The following PCDH9 variants were observed in gnomAD, a reference collection of about 807,000 sequenced individuals.
The protein encoded by PCDH9 is protocadherin-9.
A neutral mutation model predicts 70.6 loss-of-function variants in PCDH9; 24 were observed. The observed-to-expected ratio is 0.34, with a 90% CI of 0.25 to 0.48. PCDH9 has a LOEUF of 0.48. Among genes scored for constraint, PCDH9 ranks in the 20% least tolerant of loss-of-function variants. The probability of loss-of-function intolerance (pLI) is 0.99; values close to 1 mark genes in which losing one functional copy is unlikely to be tolerated. For missense variants in PCDH9, 1,281 were observed against 1,503.6 expected, an observed-to-expected ratio of 0.85 and a Z score of 2.45; for synonymous variants, 562 against 558.5, an observed-to-expected ratio of 1.01 and a Z score of -0.09.
At chr13:66,381,038 C>T (rs183992579) in intron 4 of PCDH9, among the ~76,000 whole-genome samples, 4 of 152,236 alleles carry the variant, frequency 2.6e-5, no homozygotes, top group African/African-American at 9.6e-5. Context: ...AATCTAGTTA[C>T]CCCATCTTTA....
chr13:66,926,480 T>A (rs1433368904), intron 2 of PCDH9, among the ~76,000 whole-genome samples: 1 of 152,038 alleles, frequency 6.6e-6, no homozygotes, highest in Non-Finnish European at 1.5e-5. Context: ...GCTTTGTGGA[T>A]TAACGTTTCT....
intron 3 of PCDH9, among the ~76,000 whole-genome samples, chr13:66,811,374 C>T (rs2080502040): frequency 6.6e-6 from 1 of 152,114 alleles, no homozygotes; most frequent in Non-Finnish European, 1.5e-5. Flanking sequence ...TCCTGTGCAC[C>T]AGGTATATGA....
chr13:66,485,212 A>G (rs1345461099), intron 4 of PCDH9, among the ~76,000 whole-genome samples: 1 of 152,228 alleles, frequency 6.6e-6, no homozygotes. Context: ...TAAAGAATAG[A>G]ACACTATGCA....
Position 66,897,313 on chromosome 13 carries a change from T to C in PCDH9, c.3138+6191A>G, listed in dbSNP as rs571411002. Among the ~76,000 whole-genome samples the C allele has an allele frequency of 3.9e-5, 6 of 151,908 alleles. No individual in the cohort carries two copies. The South Asian group carries it at 1.3e-3, about 32-fold the overall frequency. On this transcript the variant is annotated intron_variant, in intron 3 of 4. Coordinates refer to ENST00000377865, the MANE Select transcript of PCDH9 (RefSeq NM_203487.3). ...GATTAATATATGACTCATAGACTGG[T>C]TTCAGCATAATTATGAAAAAAGAGA...
At chr13:67,011,040 A>G (rs760818990) in intron 2 of PCDH9, among the ~76,000 whole-genome samples, 1 of 152,016 alleles carries the variant, frequency 6.6e-6, no homozygotes, top group African/African-American at 2.4e-5. Flanking sequence ...AAATGAAGAC[A>G]TATGTATGAC....
intron 2 of PCDH9, among the ~76,000 whole-genome samples, chr13:67,079,923 C>T (rs1203646482): frequency 6.6e-6 from 1 of 152,182 alleles, no homozygotes; most frequent in African/African-American, 2.4e-5. Context: ...CCAACCAATT[C>T]CCAACTAAAG....
intron 3 of PCDH9, among the ~76,000 whole-genome samples, chr13:66,869,212 T>G (rs2081628733): frequency 6.6e-6 from 1 of 152,076 alleles, no homozygotes; most frequent in African/African-American, 2.4e-5. Flanking sequence ...GATTGAAAGG[T>G]GACAAAATTA....
intron 4 of PCDH9, among the ~76,000 whole-genome samples, chr13:66,411,725 C>T (rs1278896627): frequency 6.6e-6 from 1 of 152,040 alleles, no homozygotes; most frequent in Admixed American, 6.6e-5. Flanking sequence ...GGCAGTAAGA[C>T]AAATTTGATA....
chr13:66,934,561 A>G (rs868191996), intron 2 of PCDH9, among the ~76,000 whole-genome samples: 4 of 150,392 alleles, frequency 2.7e-5, no homozygotes, highest in Non-Finnish European at 5.9e-5. Context: ...AAAAAAAGAA[A>G]AAGAAAAATA....
At chr13:66,575,179 A>G (rs2076796484) in intron 4 of PCDH9, among the ~76,000 whole-genome samples, 1 of 152,090 alleles carries the variant, frequency 6.6e-6, no homozygotes. Context: ...ATCTCAAAAA[A>G]AAAATACATA....
chr13:66,792,476 C>G (rs1247788083), intron 3 of PCDH9, among the ~76,000 whole-genome samples: 1 of 152,012 alleles, frequency 6.6e-6, no homozygotes, highest in Non-Finnish European at 1.5e-5. Flanking sequence ...TTGAGACCAC[C>G]CCGACCAACA....
intron 3 of PCDH9, among the ~76,000 whole-genome samples, chr13:66,865,353 A>AT (rs2081555345): frequency 6.6e-6 from 1 of 152,184 alleles, no homozygotes; most frequent in South Asian, 2.1e-4. Flanking sequence ...GTTGTATTTC[A>AT]TTATTTTTAT....
At chr13:66,755,987 A>G (rs2079533322) in intron 3 of PCDH9, among the ~76,000 whole-genome samples, 1 of 152,180 alleles carries the variant, frequency 6.6e-6, no homozygotes, top group Non-Finnish European at 1.5e-5. Context: ...TGCCTTATTA[A>G]TAATGATTGC....
intron 4 of PCDH9, among the ~76,000 whole-genome samples, chr13:66,382,904 T>C (rs954635030): frequency 1.3e-5 from 2 of 152,074 alleles, no homozygotes; most frequent in Non-Finnish European, 2.9e-5. Flanking sequence ...TGGTGGCGCA[T>C]GTCTGTAATC....
At chr13:66,336,367 G>T (rs1956037941) in intron 4 of PCDH9, among the ~76,000 whole-genome samples, 2 of 151,774 alleles carry the variant, frequency 1.3e-5, no homozygotes, top group South Asian at 4.2e-4. Context: ...AATCACAATA[G>T]AGACCTGATG....
intron 4 of PCDH9, among the ~76,000 whole-genome samples, chr13:66,629,850 C>T (rs1217089434): frequency 6.6e-6 from 1 of 152,086 alleles, no homozygotes; most frequent in Non-Finnish European, 1.5e-5. Context: ...TGGAAGGAGG[C>T]ATACCTTAGA....
At chr13:66,346,684 A>T (rs1300261440) in intron 4 of PCDH9, among the ~76,000 whole-genome samples, 1 of 152,144 alleles carries the variant, frequency 6.6e-6, no homozygotes, top group Non-Finnish European at 1.5e-5. Flanking sequence ...GGATTATTTT[A>T]AAAATCTCTT....
intron 4 of PCDH9, among the ~76,000 whole-genome samples, chr13:66,433,545 T>C (rs1318598038): frequency 6.6e-6 from 1 of 151,802 alleles, no homozygotes; most frequent in Non-Finnish European, 1.5e-5. Flanking sequence ...AAATTGAGTA[T>C]ATTCTTAAGA....
chr13:66,443,321 T>C (rs1434083593), intron 4 of PCDH9, among the ~76,000 whole-genome samples: 3 of 152,170 alleles, frequency 2.0e-5, no homozygotes, highest in Non-Finnish European at 4.4e-5. Context: ...GTGAGCAAAA[T>C]GATGAATTTT....
Sources: gnomAD v4.1 joint callset for allele counts (sites outside exome capture counted in the v4.1 genomes callset) on GRCh38, gnomAD v4.1.1 for gene constraint, MANE v1.5 for transcripts, NCBI Gene and HGNC (gene_info 2026-07-23, HGNC 2026-07-21) for gene names.